Variants in TRIM44 observed in about 807,000 individuals in gnomAD.
TRIM44 encodes the protein tripartite motif-containing protein 44.
Under a neutral mutation model 37.4 loss-of-function variants are expected in TRIM44, and 13 were observed. The observed-to-expected ratio is 0.35, with a 90% CI of 0.23 to 0.55. TRIM44 has a LOEUF of 0.55. Ranked by LOEUF, TRIM44 falls within the 20% of genes least tolerant of loss-of-function variation. The pLI, the probability that TRIM44 is intolerant of heterozygous loss-of-function variation, is 0.89. For missense variants in TRIM44, 426 were observed against 437.2 expected, an observed-to-expected ratio of 0.97 and a Z score of 0.23; for synonymous variants, 175 against 157.2, an observed-to-expected ratio of 1.11 and a Z score of -0.85.
intron 4 of TRIM44, among the ~76,000 whole-genome samples, chr11:35,783,764 G>A (rs537640670): frequency 4.6e-5 from 7 of 152,276 alleles, no homozygotes; most frequent in Admixed American, 4.6e-4. Flanking sequence ...CACTTTGGAG[G>A]TAATTCACTA....
rs138591822 is a variant in TRIM44, at chr11:35,732,635, G to A, written c.988-2791G>A. Among the ~76,000 whole-genome samples the A allele has an allele frequency of 4.1e-3, 617 of 152,220 alleles. 6 individuals carry two copies. Among genetic ancestry groups the A allele is most frequent in the Non-Finnish European group, 6.4e-3 (436 of 67,984 alleles). The stretch of plus-strand genomic sequence containing the variant: ...TTTCTTCTCTAAGTACTAGTGTAGA[G>A]TGGCAAACCCTACAAATGTGGGAGA... On this transcript the variant is annotated intron_variant, in intron 3 of 4. Coordinates refer to ENST00000299413, the MANE Select transcript of TRIM44 (RefSeq NM_017583.6).
chr11:35,683,196 C>G (rs1851539032), intron 1 of TRIM44, among the ~76,000 whole-genome samples: 1 of 152,106 alleles, frequency 6.6e-6, no homozygotes, highest in Non-Finnish European at 1.5e-5. Flanking sequence ...TGTCAACTGT[C>G]TGCTATGAGA....
chr11:35,758,074 G>C (rs992200997), intron 4 of TRIM44, among the ~76,000 whole-genome samples: 5 of 152,128 alleles, frequency 3.3e-5, no homozygotes, highest in African/African-American at 4.8e-5. Flanking sequence ...CTGTCTCGTT[G>C]ATCTGTCTAA....
intron 4 of TRIM44, among the ~76,000 whole-genome samples, chr11:35,796,798 G>A (rs945988998): frequency 1.3e-5 from 2 of 152,184 alleles, no homozygotes; most frequent in Non-Finnish European, 2.9e-5. Context: ...AGTTCAACAG[G>A]AAACTGAGTA....
chr11:35,717,420 G>A (rs1307184007), intron 2 of TRIM44, among the ~76,000 whole-genome samples: 4 of 152,064 alleles, frequency 2.6e-5, no homozygotes, highest in Non-Finnish European at 4.4e-5. Flanking sequence ...GTCAAAGGTA[G>A]AAGTCAGCTC....
chr11:35,713,415 T>C (rs1852003191), intron 2 of TRIM44, among the ~76,000 whole-genome samples: 1 of 152,202 alleles, frequency 6.6e-6, no homozygotes, highest in African/African-American at 2.4e-5. Flanking sequence ...TTATTAACTT[T>C]TGCCTATAGA....
chr11:35,693,143 T>A (rs962611626), intron 2 of TRIM44, among the ~76,000 whole-genome samples: 2 of 152,044 alleles, frequency 1.3e-5, no homozygotes, highest in African/African-American at 4.8e-5. Context: ...GCTGCTGGGA[T>A]TGGCCAAGAC....
chr11:35,685,175 A>G, intron 1 of TRIM44, 84 bp from the exon 2 acceptor site: 2 of 1,194,158 alleles, frequency 1.7e-6, no homozygotes, highest in Non-Finnish European at 2.5e-6. Context: ...ATTGCTTTCT[A>G]TTTCATTGTC....
At chr11:35,713,331 T>A (rs914257333) in intron 2 of TRIM44, among the ~76,000 whole-genome samples, 3 of 152,164 alleles carry the variant, frequency 2.0e-5, no homozygotes, top group African/African-American at 7.2e-5. Flanking sequence ...AAACAAAGAT[T>A]TAAGAGGTTA....
Position 35,816,823 on chromosome 11 carries a change from T to C in TRIM44, c.*10438T>C, listed in dbSNP as rs1853585835. ...CTGACACATAGTAAGCACTTAGAAA[T>C]GGTAGCTTCTGACTGTTGTGCTGGA... On this transcript the variant is annotated 3_prime_UTR_variant, in exon 5 of 5. Coordinates refer to ENST00000299413, the MANE Select transcript of TRIM44 (RefSeq NM_017583.6). 3 of 152,230 alleles carry C rather than the reference T, an allele frequency of 2.0e-5. No homozygotes were observed. The highest frequency in any genetic ancestry group is 6.5e-5 in the Admixed American group (1 of 15,288). 9.4% of individuals were successfully genotyped at this position (152,230 alleles called of 1,614,324 possible).
At chr11:35,760,268 C>T (rs750656915) in intron 4 of TRIM44, among the ~76,000 whole-genome samples, 7 of 152,198 alleles carry the variant, frequency 4.6e-5, no homozygotes, top group Admixed American at 2.0e-4. Flanking sequence ...CAGCGAGGCT[C>T]CGTGGGCGTA....
chr11:35,794,860 C>T (rs185061041), intron 4 of TRIM44, among the ~76,000 whole-genome samples: 13 of 152,330 alleles, frequency 8.5e-5, no homozygotes, highest in African/African-American at 2.4e-4. Flanking sequence ...ACTGGTGATA[C>T]GGCAGGGAAC....
chr11:35,711,889 T>C (rs1851979386), intron 2 of TRIM44, among the ~76,000 whole-genome samples: 1 of 152,198 alleles, frequency 6.6e-6, no homozygotes, highest in Non-Finnish European at 1.5e-5. Context: ...TCCAGAAACC[T>C]TCCAAGCCTT....
intron 4 of TRIM44, among the ~76,000 whole-genome samples, chr11:35,757,632 A>G (rs967402580): frequency 3.3e-5 from 5 of 152,166 alleles, no homozygotes; most frequent in Non-Finnish European, 4.4e-5. Context: ...TCTTGTGGGC[A>G]TTTAGTGCTA....
At chr11:35,670,106 A>G (rs113693533) in intron 1 of TRIM44, among the ~76,000 whole-genome samples, 4 of 152,316 alleles carry the variant, frequency 2.6e-5, no homozygotes, top group African/African-American at 9.6e-5. Context: ...TACAGGTGTG[A>G]GCCACCATGC....
chr11:35,715,259 C>T (rs919211153), intron 2 of TRIM44, among the ~76,000 whole-genome samples: 2 of 152,110 alleles, frequency 1.3e-5, no homozygotes, highest in African/African-American at 2.4e-5. Flanking sequence ...CCATCTCTCA[C>T]GTTAAGGGGT....
At chr11:35,802,011 A>G (rs568857967) in intron 4 of TRIM44, among the ~76,000 whole-genome samples, 8 of 151,958 alleles carry the variant, frequency 5.3e-5, no homozygotes, top group African/African-American at 1.7e-4. Context: ...ATGAGTTTTT[A>G]TATATATTTT....
Position 35,663,196 on chromosome 11 carries a change from G to T in TRIM44, c.85G>T (p.Ala29Ser). The part of the protein sequence containing the change: ...DECEPDEAPG[A>S]EEVCRECGFC... The stretch of plus-strand genomic sequence containing the variant: ...GTGCGAGCCCGACGAGGCTCCGGGG[G>T]CCGAGGAAGTGTGCCGAGAATGCGG... The change falls in exon 1 of 5, where the codon GCC (alanine) becomes TCC (serine). Residue 29 changes from alanine to serine, a missense_variant. Physicochemically the swap from Ala to Ser is moderately conservative, Grantham distance 99. Around this residue, in one of 2 missense-constraint regions of TRIM44, gnomAD observed 331 missense variants for 303.0 expected, o/e 1.09. Coordinates refer to ENST00000299413, the MANE Select transcript of TRIM44 (RefSeq NM_017583.6). The T allele has an allele frequency of 6.3e-7, 1 of 1,593,454 alleles. No homozygotes were observed.
chr11:35,803,272 T>TA lies in TRIM44; in HGVS notation c.1008-3069dup, dbSNP rs35125638. ...GTCTGCCTAACACCCTTAGTTTATT[T>TA]AAAAAAAAAAAAAAAAATGAAACAG... On this transcript the variant is annotated intron_variant, in intron 4 of 4. Transcript: ENST00000299413. 2.6e-3 allele frequency among the ~76,000 whole-genome samples: 370 copies of TA among 142,404 alleles called. 1 individual carries two copies. Among genetic ancestry groups the TA allele is most frequent in the Admixed American group, 3.3e-3 (47 of 14,314 alleles). 93.4% of individuals were successfully genotyped at this position (142,404 alleles called of 152,430 possible).
Sources: gnomAD v4.1 joint callset for allele counts (sites outside exome capture counted in the v4.1 genomes callset) on GRCh38, gnomAD v4.1.1 for gene constraint, gnomAD v4.1.1 regional missense constraint, MANE v1.5 for transcripts, NCBI Gene and HGNC (gene_info 2026-07-23, HGNC 2026-07-21) for gene names.